BCAS1: variants seen among roughly 807,000 people sequenced by gnomAD.
The protein encoded by BCAS1 is brain enriched myelin associated protein 1.
BCAS1 carries 46 observed loss-of-function variants against 65.4 expected under a neutral mutation model. The ratio of observed to expected loss-of-function variants is 0.70; its 90% CI spans 0.55 to 0.90. BCAS1 has a LOEUF of 0.90. BCAS1 is among the 40% of genes least tolerant of loss of function. The pLI, the probability that BCAS1 is intolerant of heterozygous loss-of-function variation, is 0.00. For synonymous variants in BCAS1, 298 were observed against 293.5 expected, an observed-to-expected ratio of 1.02 and a Z score of -0.16; for missense variants, 793 against 771.2, an observed-to-expected ratio of 1.03 and a Z score of -0.33.
At chr20:54,020,584 T>C (rs1441762425) in intron 4 of BCAS1, among the ~76,000 whole-genome samples, 2 of 152,240 alleles carry the variant, frequency 1.3e-5, no homozygotes, top group East Asian at 3.8e-4. Flanking sequence ...ACCCTTATTC[T>C]TGTCAGGTTC....
intron 4 of BCAS1, among the ~76,000 whole-genome samples, chr20:54,007,445 A>T (rs1015652652): frequency 3.9e-5 from 6 of 152,158 alleles, no homozygotes; most frequent in Non-Finnish European, 8.8e-5. Flanking sequence ...TGGAGAAAGA[A>T]CCCTACTGGA....
intron 10 of BCAS1, among the ~76,000 whole-genome samples, chr20:53,963,195 T>C (rs1210506564): frequency 6.6e-6 from 1 of 151,334 alleles, no homozygotes; most frequent in Non-Finnish European, 1.5e-5. Flanking sequence ...GAGAAAAAGA[T>C]CTCTAGCTGG....
At chr20:53,956,179 T>C (rs1416415929) in intron 11 of BCAS1, among the ~76,000 whole-genome samples, 6 of 152,222 alleles carry the variant, frequency 3.9e-5, no homozygotes, top group African/African-American at 1.2e-4. Context: ...AATGTGATTA[T>C]ATTTGGAATA....
chr20:53,986,687 C>T (rs1188494305), intron 7 of BCAS1, among the ~76,000 whole-genome samples: 2 of 152,066 alleles, frequency 1.3e-5, no homozygotes, highest in East Asian at 1.9e-4. Context: ...TTCTTGAGGT[C>T]GGGAGTTCAA....
chr20:54,070,134 T>C (rs528898015), intron 1 of BCAS1, among the ~76,000 whole-genome samples: 1 of 152,304 alleles, frequency 6.6e-6, no homozygotes, highest in African/African-American at 2.4e-5. Flanking sequence ...CCATGTCCTG[T>C]GCTTGAAATG....
intron 9 of BCAS1, among the ~76,000 whole-genome samples, chr20:53,972,668 A>G (rs1052369376): frequency 2.6e-5 from 4 of 152,186 alleles, no homozygotes; most frequent in Non-Finnish European, 4.4e-5. Flanking sequence ...TGTAAAAATC[A>G]TTTTTAGCTT....
At chr20:54,062,491 ATC>A (rs1444393170) in intron 1 of BCAS1, among the ~76,000 whole-genome samples, 4 of 152,254 alleles carry the variant, frequency 2.6e-5, no homozygotes, top group Admixed American at 6.5e-5. Context: ...CACACAAAGT[ATC>A]TCTATCTAAA....
Position 53,963,448 on chromosome 20 carries a change from T to G in BCAS1, c.1485+3458A>C, listed in dbSNP as rs2089942988. On this transcript the variant is annotated intron_variant, in intron 10 of 12. Transcript: ENST00000688948. Reference sequence around the variant, plus strand: ...GCGGGCAGAGATTGTGCCATTGCACTCCAGCCTGGGGGACAAAGCGAGACT... The same window carrying G: ...GCGGGCAGAGATTGTGCCATTGCACGCCAGCCTGGGGGACAAAGCGAGACT... Among the ~76,000 whole-genome samples, 3 of 151,184 alleles carry G rather than the reference T, an allele frequency of 2.0e-5. No homozygotes were observed. The South Asian group carries it at 6.3e-4, about 32-fold the overall frequency.
intron 1 of BCAS1, among the ~76,000 whole-genome samples, chr20:54,060,460 G>A (rs6013880): frequency 0.016 from 2,423 of 151,736 alleles, 47 homozygotes; most frequent in African/African-American, 0.055. Flanking sequence ...TAACAGGTGC[G>A]TGGCACAACA....
Position 54,058,636 on chromosome 20 carries a change from T to C in BCAS1, c.72+11A>G, listed in dbSNP as rs1484458607. Reference sequence around the variant, plus strand: ...TTTCTGCTGATGCCCCTGTAATGGTTACTACACTACCTGGTAAGTCTCTGC... The same window carrying C: ...TTTCTGCTGATGCCCCTGTAATGGTCACTACACTACCTGGTAAGTCTCTGC... On this transcript the variant is annotated intron_variant, in intron 2 of 12. Coordinates refer to ENST00000688948, the MANE Select transcript of BCAS1 (RefSeq NM_001366298.2). 5.0e-6 allele frequency: 8 copies of C among 1,585,736 alleles called. No individual in the cohort carries two copies. Among genetic ancestry groups the C allele is most frequent in the Non-Finnish European group, 6.9e-6 (8 of 1,166,764 alleles).
chr20:54,001,032 A>G (rs2091043435), intron 4 of BCAS1, among the ~76,000 whole-genome samples: 1 of 152,124 alleles, frequency 6.6e-6, no homozygotes, highest in Non-Finnish European at 1.5e-5. Flanking sequence ...CATGTCAGAC[A>G]TTGTGAATCT....
chr20:54,033,133 T>C lies in BCAS1; in HGVS notation c.143-4161A>G, dbSNP rs546125284. Among the ~76,000 whole-genome samples the C allele has an allele frequency of 4.0e-5, 6 of 151,296 alleles. No homozygotes were observed. The East Asian group carries it at 1.2e-3, about 29-fold the overall frequency. On this transcript the variant is annotated intron_variant, in intron 3 of 12. Transcript: ENST00000688948. ...CAAAGATACAACATACCAGAATCTT[T>C]GGGACACAGCTAAGGCAGTGTTAAG... is the stretch of plus-strand genomic sequence containing the variant.
chr20:54,017,461 T>A (rs1025392540), intron 4 of BCAS1, among the ~76,000 whole-genome samples: 5 of 151,528 alleles, frequency 3.3e-5, no homozygotes, highest in African/African-American at 1.2e-4. Flanking sequence ...AGTGGTGCGA[T>A]CTCGGCTCAC....
chr20:53,973,767 C>T (rs1407784487), intron 9 of BCAS1, among the ~76,000 whole-genome samples: 7 of 152,144 alleles, frequency 4.6e-5, no homozygotes, highest in African/African-American at 1.7e-4. Flanking sequence ...GAGACCTGAG[C>T]TTTGCTGGGC....
intron 3 of BCAS1, among the ~76,000 whole-genome samples, chr20:54,051,310 G>A (rs568617731): frequency 7.3e-4 from 111 of 152,330 alleles, no homozygotes; most frequent in Admixed American, 7.0e-3. Flanking sequence ...CAAAACAGGG[G>A]ATCTCTGTAC....
chr20:53,953,369 T>C, intron 12 of BCAS1, 63 bp downstream of exon 12: 2 of 1,586,334 alleles, frequency 1.3e-6, no homozygotes, highest in Non-Finnish European at 1.7e-6. Context: ...AAAAACTGAC[T>C]GGGGCAGATG....
At chr20:53,967,866 A>G (rs2090076693) in intron 9 of BCAS1, among the ~76,000 whole-genome samples, 1 of 152,140 alleles carries the variant, frequency 6.6e-6, no homozygotes, top group Non-Finnish European at 1.5e-5. Context: ...CAGTTTCTGC[A>G]TTTGTGTTGT....
intron 5 of BCAS1, among the ~76,000 whole-genome samples, chr20:53,995,481 T>C (rs1229735799): frequency 7.4e-6 from 1 of 135,660 alleles, no homozygotes; most frequent in African/African-American, 2.6e-5. Flanking sequence ...ATGCATTCAT[T>C]CATTCAGGTT....
Position 54,058,629 on chromosome 20 carries a change from T to C in BCAS1, c.72+18A>G, listed in dbSNP as rs200049040. 1.4e-5 allele frequency: 21 copies of C among 1,534,826 alleles called. No individual in the cohort carries two copies. The highest frequency in any genetic ancestry group is 1.6e-5 in the Non-Finnish European group (18 of 1,134,262). On this transcript the variant is annotated intron_variant, in intron 2 of 12. Coordinates refer to ENST00000688948, the MANE Select transcript of BCAS1 (RefSeq NM_001366298.2). Reference sequence around the variant, plus strand: ...TTTTTTTTTTCTGCTGATGCCCCTGTAATGGTTACTACACTACCTGGTAAG... The same window carrying C: ...TTTTTTTTTTCTGCTGATGCCCCTGCAATGGTTACTACACTACCTGGTAAG...
Sources: allele counts gnomAD v4.1 joint callset (sites outside exome capture counted in the v4.1 genomes callset), GRCh38; gene constraint gnomAD v4.1.1; transcripts MANE v1.5; gene names NCBI Gene and HGNC (gene_info 2026-07-23, HGNC 2026-07-21).